GRID1: variants seen among roughly 807,000 people sequenced by gnomAD.
GRID1 encodes the protein glutamate ionotropic receptor delta type subunit 1, also known as glutamate receptor ionotropic, delta-1.
Under a neutral mutation model 98.0 loss-of-function variants are expected in GRID1, and 28 were observed. That is an observed-to-expected ratio of 0.29 (90% confidence interval 0.21 to 0.39). The LOEUF is 0.39. GRID1 is among the 10% of genes least tolerant of loss of function. The pLI is 1.00. For synonymous variants in GRID1, 553 were observed against 538.5 expected (o/e 1.03, Z -0.37); for missense variants, 1,111 against 1,340.5 (o/e 0.83, Z 2.67).
intron 2 of GRID1, among the ~76,000 whole-genome samples, chr10:86,214,173 T>C (rs1846144188): frequency 1.3e-5 from 2 of 152,138 alleles, no homozygotes; most frequent in African/African-American, 4.8e-5. Flanking sequence ...CCACTGGCCT[T>C]AAAACAAAAC....
chr10:85,794,839 G>A (rs1035722202), intron 8 of GRID1, among the ~76,000 whole-genome samples: 1 of 152,194 alleles, frequency 6.6e-6, no homozygotes, highest in East Asian at 1.9e-4. Flanking sequence ...CACTGATGTA[G>A]AAGTGTGAAG....
At chr10:85,648,507 C>T (rs904341436) in intron 12 of GRID1, among the ~76,000 whole-genome samples, 4 of 152,118 alleles carry the variant, frequency 2.6e-5, no homozygotes, top group African/African-American at 9.7e-5. Context: ...ATCATCATCC[C>T]TCCCTCTCTC....
intron 12 of GRID1, among the ~76,000 whole-genome samples, chr10:85,664,777 T>C (rs1395015028): frequency 6.6e-6 from 1 of 152,198 alleles, no homozygotes; most frequent in Non-Finnish European, 1.5e-5. Flanking sequence ...GAATGTTTTA[T>C]TGAGTGATGT....
chr10:86,288,978 T>A (rs148062252), intron 2 of GRID1, among the ~76,000 whole-genome samples: 1 of 152,182 alleles, frequency 6.6e-6, no homozygotes, highest in South Asian at 2.1e-4. Context: ...CCACCATGTC[T>A]GTCCAGGCTT....
At chr10:86,148,324 G>A (rs1475363528) in intron 3 of GRID1, among the ~76,000 whole-genome samples, 1 of 152,194 alleles carries the variant, frequency 6.6e-6, no homozygotes, top group Non-Finnish European at 1.5e-5. Flanking sequence ...GCAACAATGT[G>A]CATGAGCCTG....
At chr10:85,842,477 A>T (rs1324502018) in intron 8 of GRID1, among the ~76,000 whole-genome samples, 5 of 152,094 alleles carry the variant, frequency 3.3e-5, no homozygotes, top group East Asian at 1.9e-4. Flanking sequence ...ATAAAAATTT[A>T]AAAAATCAAT....
At chr10:85,714,404 G>GT (rs940181437) in intron 12 of GRID1, among the ~76,000 whole-genome samples, 15 of 151,052 alleles carry the variant, frequency 9.9e-5, no homozygotes, top group East Asian at 7.8e-4. Flanking sequence ...GAACCTAAAA[G>GT]TTTTTTTTTA....
In GRID1 at chr10:85,750,351, AT is replaced by A. The variant is rs1346978888; in HGVS notation, c.1234-20738del. Among the ~76,000 whole-genome samples the A allele has an allele frequency of 2.0e-5, 3 of 152,306 alleles. No homozygotes were observed. The South Asian group carries it at 6.2e-4, about 32-fold the overall frequency. On this transcript the variant is annotated intron_variant, in intron 8 of 15. Coordinates refer to ENST00000327946, the MANE Select transcript of GRID1 (RefSeq NM_017551.3). ...TTTGGTCACCTGATCATCAGCTGTG[AT>A]TGGCTGAAAGATATGATTACTCCTA...
At chr10:85,824,921 T>C (rs1361740346) in intron 8 of GRID1, among the ~76,000 whole-genome samples, 3 of 152,236 alleles carry the variant, frequency 2.0e-5, no homozygotes, top group South Asian at 2.1e-4. Flanking sequence ...ACTATATATA[T>C]ACCACATTTT....
At chr10:86,197,023 G>A (rs1845883940) in intron 3 of GRID1, among the ~76,000 whole-genome samples, 1 of 151,982 alleles carries the variant, frequency 6.6e-6, no homozygotes, top group Admixed American at 6.6e-5. Flanking sequence ...AAATGCTGTG[G>A]GTCCAGTATC....
chr10:86,343,036 A>G (rs893850390), intron 2 of GRID1, among the ~76,000 whole-genome samples: 2 of 152,242 alleles, frequency 1.3e-5, no homozygotes, highest in Non-Finnish European at 2.9e-5. Flanking sequence ...AGAGGACTTT[A>G]TGCAGCAGCC....
At chr10:85,653,850 C>A (rs1252482505) in intron 12 of GRID1, among the ~76,000 whole-genome samples, 1 of 152,130 alleles carries the variant, frequency 6.6e-6, no homozygotes, top group African/African-American at 2.4e-5. Flanking sequence ...AAGGTGCACA[C>A]CAAATGCAGC....
chr10:85,947,963 T>G (rs1202762607), intron 4 of GRID1, among the ~76,000 whole-genome samples: 1 of 152,164 alleles, frequency 6.6e-6, no homozygotes, highest in Non-Finnish European at 1.5e-5. Flanking sequence ...CTGAGGAAAT[T>G]TTTGAAAATG....
intron 5 of GRID1, among the ~76,000 whole-genome samples, chr10:85,900,235 G>A (rs1366114950): frequency 6.6e-6 from 1 of 152,220 alleles, no homozygotes; most frequent in African/African-American, 2.4e-5. Flanking sequence ...GTGAATGTGT[G>A]TGTGTACATG....
chr10:86,344,702 A>C (rs1848358355), intron 2 of GRID1, among the ~76,000 whole-genome samples: 1 of 152,218 alleles, frequency 6.6e-6, no homozygotes, highest in South Asian at 2.1e-4. Context: ...CATTCTAAGA[A>C]GTCTAGCAGA....
At position 86,358,107 on chromosome 10, in the gene GRID1, T is replaced by C. The variant is rs1319193739; in HGVS notation, c.235+5834A>G. ...CCCAGGAAAAGAAGCTGACATGTCA[T>C]TGGAGAACACAGGCAAGTCTGTGGA... On this transcript the variant is annotated intron_variant, in intron 2 of 15. Transcript: ENST00000327946. 2.0e-5 allele frequency among the ~76,000 whole-genome samples: 3 copies of C among 152,146 alleles called. No homozygotes were observed. In the East Asian group the frequency reaches 5.8e-4, roughly 29 times the overall value.
intron 5 of GRID1, among the ~76,000 whole-genome samples, chr10:85,877,231 T>C (rs1006340331): frequency 6.6e-6 from 1 of 152,214 alleles, no homozygotes; most frequent in African/African-American, 2.4e-5. Context: ...TAAATGTCCC[T>C]GTTTGACAGC....
intron 4 of GRID1, among the ~76,000 whole-genome samples, chr10:85,950,028 T>C (rs965701806): frequency 7.2e-5 from 11 of 151,916 alleles, no homozygotes; most frequent in Admixed American, 2.0e-4. Context: ...GATAGATAAA[T>C]AGATAGATAA....
chr10:85,923,655 G>T lies in GRID1; in HGVS notation c.727-7416C>A, dbSNP rs544331027. Reference sequence around the variant, plus strand: ...AAACCAAGACTCAGAAGGATGAAGTGATTTTCCCAAAGTCTCCCAGAAAGT... The same window carrying T: ...AAACCAAGACTCAGAAGGATGAAGTTATTTTCCCAAAGTCTCCCAGAAAGT... On this transcript the variant is annotated intron_variant, in intron 4 of 15. Transcript: ENST00000327946. Among the ~76,000 whole-genome samples, 346 of 152,300 alleles carry T rather than the reference G, an allele frequency of 2.3e-3. 1 individual carries two copies. Among genetic ancestry groups the T allele is most frequent in the Non-Finnish European group, 3.6e-3 (245 of 68,038 alleles).
Sources: gnomAD v4.1 joint callset for allele counts (sites outside exome capture counted in the v4.1 genomes callset) on GRCh38, gnomAD v4.1.1 for gene constraint, MANE v1.5 for transcripts, NCBI Gene and HGNC (gene_info 2026-07-23, HGNC 2026-07-21) for gene names.